The following ARB2A variants were observed in gnomAD, a reference collection of about 807,000 sequenced individuals.
ARB2A encodes the protein cotranscriptional regulator ARB2A.
At chr5:93,621,181 G>C in the ARB2A span, 1 of 1,531,026 alleles carries the variant, frequency 6.5e-7, no homozygotes, top group Admixed American at 1.9e-5. Context: ...GGCCAGGCGC[G>C]GTGAGGGCGG....
the ARB2A span, among the ~76,000 whole-genome samples, chr5:94,043,345 T>C: frequency 1.3e-5 from 2 of 152,238 alleles, no homozygotes; most frequent in African/African-American, 4.8e-5. Flanking sequence ...ATTTTAGCAA[T>C]TGAGTAAAGT....
At chr5:93,755,606 C>A in the ARB2A span, among the ~76,000 whole-genome samples, 1 of 152,258 alleles carries the variant, frequency 6.6e-6, no homozygotes, top group Non-Finnish European at 1.5e-5. Flanking sequence ...CCCAAACACA[C>A]AGCCCCACTG....
chr5:93,645,757 C>A, the ARB2A span, among the ~76,000 whole-genome samples: 2 of 152,074 alleles, frequency 1.3e-5, no homozygotes, highest in African/African-American at 4.8e-5. Flanking sequence ...ACATGCAAGA[C>A]AAAACACTAT....
chr5:93,627,843 A>C, the ARB2A span, among the ~76,000 whole-genome samples: 2 of 151,978 alleles, frequency 1.3e-5, no homozygotes, highest in Non-Finnish European at 2.9e-5. Context: ...AACAACATGA[A>C]TTTTCTTATA....
chr5:93,811,108 C>G, the ARB2A span, among the ~76,000 whole-genome samples: 1 of 151,972 alleles, frequency 6.6e-6, no homozygotes, highest in East Asian at 1.9e-4. Context: ...ATGCTGATAG[C>G]AGAGACTGTT....
the ARB2A span, chr5:93,964,400 T>C: frequency 7.7e-7 from 1 of 1,290,496 alleles, no homozygotes; most frequent in Non-Finnish European, 1.1e-6. Context: ...TTAAAAACTA[T>C]TTTACTTGGA....
chr5:93,839,896 T>C, the ARB2A span, among the ~76,000 whole-genome samples: 1 of 152,102 alleles, frequency 6.6e-6, no homozygotes, highest in South Asian at 2.1e-4. Flanking sequence ...TCTGATTATA[T>C]TTATTTGGAT....
the ARB2A span, among the ~76,000 whole-genome samples, chr5:93,778,516 G>A: frequency 6.6e-6 from 1 of 152,158 alleles, no homozygotes; most frequent in Non-Finnish European, 1.5e-5. Context: ...ATGATACAGG[G>A]AGATAGCTTC....
chr5:93,706,946 T>C, the ARB2A span, among the ~76,000 whole-genome samples: 1 of 152,142 alleles, frequency 6.6e-6, no homozygotes, highest in African/African-American at 2.4e-5. Context: ...TGAAATCAAT[T>C]TCTACTGAAA....
chr5:93,863,742 T>C, the ARB2A span: 1 of 152,188 alleles, frequency 6.6e-6, no homozygotes, highest in South Asian at 2.1e-4. Flanking sequence ...TTTAGCTCAA[T>C]GGTTGCTATT....
chr5:93,716,693 C>CA, the ARB2A span, among the ~76,000 whole-genome samples: 8,625 of 35,696 alleles, frequency 0.24, 1,293 homozygotes, highest in Non-Finnish European at 0.35. Flanking sequence ...ATAAGCTGTG[C>CA]AAAAAAAAAA....
chr5:93,683,554 A>C, the ARB2A span: 1 of 1,466,436 alleles, frequency 6.8e-7, no homozygotes, highest in South Asian at 1.1e-5. Context: ...TGTGCAGTTC[A>C]TCCTTTGCAC....
At chr5:93,835,245 T>C in the ARB2A span, among the ~76,000 whole-genome samples, 5 of 152,334 alleles carry the variant, frequency 3.3e-5, no homozygotes, top group African/African-American at 9.6e-5. Flanking sequence ...GCATTTATGA[T>C]GGACTACCTG....
At chr5:93,629,581 A>G in the ARB2A span, among the ~76,000 whole-genome samples, 1 of 152,206 alleles carries the variant, frequency 6.6e-6, no homozygotes, top group African/African-American at 2.4e-5. Flanking sequence ...AGAATAGGGA[A>G]TATCAATTGT....
chr5:93,861,455 G>A, the ARB2A span: 1 of 152,036 alleles, frequency 6.6e-6, no homozygotes, highest in Non-Finnish European at 1.5e-5. Flanking sequence ...GTACGATGTG[G>A]AATCTAGCAT....
chr5:93,713,481 A>G, the ARB2A span, among the ~76,000 whole-genome samples: 1 of 152,242 alleles, frequency 6.6e-6, no homozygotes, highest in Non-Finnish European at 1.5e-5. Flanking sequence ...ATCATCAGAT[A>G]AATGCAAATC....
At chr5:93,861,562 CTATT>C in the ARB2A span, 10 of 152,062 alleles carry the variant, frequency 6.6e-5, no homozygotes, top group African/African-American at 2.4e-5. Context: ...TGTTCAATAA[CTATT>C]TGATGAAATG....
chr5:94,017,206 G>A, the ARB2A span, among the ~76,000 whole-genome samples: 3 of 152,200 alleles, frequency 2.0e-5, no homozygotes, highest in Non-Finnish European at 4.4e-5. Context: ...ATATGCATGT[G>A]TAAGGTGCCA....
At chr5:93,803,461 C>T in the ARB2A span, among the ~76,000 whole-genome samples, 1 of 151,406 alleles carries the variant, frequency 6.6e-6, no homozygotes, top group Non-Finnish European at 1.5e-5. Flanking sequence ...ACCGCCCCCC[C>T]ACCCAAAAAG....
Sources: gnomAD v4.1 joint callset for allele counts (sites outside exome capture counted in the v4.1 genomes callset) on GRCh38, gnomAD v4.1.1 for gene constraint, MANE v1.5 for transcripts, NCBI Gene and HGNC (gene_info 2026-07-23, HGNC 2026-07-21) for gene names.